Variants in TMEM120B observed in about 807,000 individuals in gnomAD.
The protein encoded by TMEM120B is transmembrane protein 120B.
TMEM120B carries 31 observed loss-of-function variants against 55.5 expected under a neutral mutation model. The ratio of observed to expected loss-of-function variants is 0.56; its 90% CI spans 0.42 to 0.75. The LOEUF (loss-of-function observed/expected upper bound fraction) is 0.75. Ranked by LOEUF, TMEM120B falls within the 30% of genes least tolerant of loss-of-function variation. TMEM120B has a pLI of 0.00. For synonymous variants in TMEM120B, 203 were observed against 176.3 expected, an observed-to-expected ratio of 1.15 and a Z score of -1.20; for missense variants, 399 against 425.5, an observed-to-expected ratio of 0.94 and a Z score of 0.55.
rs199889668 is a variant in TMEM120B, at chr12:121,752,194, C to G, written c.432C>G (p.Ala144=). Residue 144 remains alanine (A), a synonymous_variant, in exon 5 of 12, where the codon GCC becomes GCG. Transcript: ENST00000449592. The part of the protein sequence containing the change: ...LYLTIILLLG[A]VACRFVLHYR... ...TGACCATCATCCTGCTCCTGGGTGC[C>G]GTGGCATGTCGATTTGTCCTTCACT... is the stretch of plus-strand genomic sequence containing the variant. The G allele has an allele frequency of 6.2e-7, 1 of 1,613,734 alleles. No individual in the cohort carries two copies. Among genetic ancestry groups the G allele is most frequent in the African/African-American group, 1.3e-5 (1 of 75,032 alleles).
Position 121,779,938 on chromosome 12 carries a change from T to G in TMEM120B, c.*4216T>G. ...AGGGGCTGAATCCTGAGACCCGGGG[T>G]TGGTTCCCCCAGGTGTCTCCCAGGC... On this transcript the variant is annotated 3_prime_UTR_variant, in exon 12 of 12. Coordinates refer to ENST00000449592, the MANE Select transcript of TMEM120B (RefSeq NM_001080825.2). The G allele has an allele frequency of 3.0e-6, 1 of 336,802 alleles. No individual in the cohort carries two copies. Among genetic ancestry groups the G allele is most frequent in the East Asian group, 4.1e-5 (1 of 24,410 alleles). The allele number at this position is 336,802 out of a possible 1,614,324, so 20.9% of individuals were successfully genotyped here.
At position 121,775,992 on chromosome 12, in the gene TMEM120B, G is replaced by C; in HGVS notation, c.*270G>C. 1.7e-6 allele frequency: 1 copy of C among 593,602 alleles called. No homozygotes were observed. The highest frequency in any genetic ancestry group is 2.0e-5 in the South Asian group (1 of 48,894). 36.8% of individuals were successfully genotyped at this position (593,602 alleles called of 1,614,324 possible). ...CTTGAAGGTGGCTGAGGCCGGGCCA[G>C]TCTTCCTGGGGATGGGGCCTGAAGC... On this transcript the variant is annotated 3_prime_UTR_variant, in exon 12 of 12. Coordinates refer to ENST00000449592, the MANE Select transcript of TMEM120B (RefSeq NM_001080825.2). The surrounding 1 kb of genome is among the most constrained non-coding windows in gnomAD (Gnocchi z 4.3).
chr12:121,756,536 G>C (rs779918275), intron 5 of TMEM120B, among the ~76,000 whole-genome samples: 32 of 152,192 alleles, frequency 2.1e-4, no homozygotes, highest in Non-Finnish European at 4.6e-4. Flanking sequence ...GTACCTCCCA[G>C]TGTCACACAG....
chr12:121,728,081 C>T (rs905335240), intron 1 of TMEM120B, among the ~76,000 whole-genome samples: 7 of 150,144 alleles, frequency 4.7e-5, no homozygotes, highest in Non-Finnish European at 7.4e-5. Context: ...GATCTCGGTT[C>T]ACTGCGCCCT....
intron 3 of TMEM120B, 43 bp downstream of exon 3, chr12:121,748,485 C>T (rs760904386): frequency 2.2e-6 from 3 of 1,358,356 alleles, no homozygotes; most frequent in East Asian, 2.3e-5. Flanking sequence ...AGGCCCATGC[C>T]CAGGCCTAGC....
At chr12:121,737,584 C>A (rs1233285210) in intron 1 of TMEM120B, among the ~76,000 whole-genome samples, 1 of 152,114 alleles carries the variant, frequency 6.6e-6, no homozygotes, top group Non-Finnish European at 1.5e-5. Flanking sequence ...TGGGGAGGGG[C>A]AATGGCCTCT....
chr12:121,723,419 C>T (rs971548688), intron 1 of TMEM120B, among the ~76,000 whole-genome samples: 1 of 152,122 alleles, frequency 6.6e-6, no homozygotes, highest in Non-Finnish European at 1.5e-5. Context: ...CTGGCCACAG[C>T]AGGGAGCTGT....
chr12:121,764,555 T>C (rs999443472), intron 6 of TMEM120B, among the ~76,000 whole-genome samples: 2 of 151,624 alleles, frequency 1.3e-5, no homozygotes, highest in Admixed American at 6.6e-5. Flanking sequence ...GGTGTACACC[T>C]GTAGTCCTAG....
intron 5 of TMEM120B, among the ~76,000 whole-genome samples, chr12:121,760,997 G>T (rs1873660075): frequency 2.0e-5 from 3 of 149,042 alleles, no homozygotes; most frequent in Admixed American, 1.3e-4. Context: ...GTTTTTTTTT[G>T]GGACAGAGTC....
At chr12:121,733,600 T>C (rs1449573736) in intron 1 of TMEM120B, among the ~76,000 whole-genome samples, 6 of 148,656 alleles carry the variant, frequency 4.0e-5, no homozygotes, top group Admixed American at 6.9e-5. Flanking sequence ...AGTGCAATGG[T>C]GTGACCTCGG....
intron 1 of TMEM120B, among the ~76,000 whole-genome samples, chr12:121,735,867 T>G (rs1448743132): frequency 6.6e-6 from 1 of 152,100 alleles, no homozygotes; most frequent in Non-Finnish European, 1.5e-5. Flanking sequence ...ATTTTTATAT[T>G]TTTAGTAGAG....
At chr12:121,771,959 G>A (rs1409927977) in intron 8 of TMEM120B, among the ~76,000 whole-genome samples, 3 of 152,274 alleles carry the variant, frequency 2.0e-5, no homozygotes, top group South Asian at 2.1e-4. Flanking sequence ...CAGGGAGAGC[G>A]TCTTACTTTT....
At chr12:121,743,821 G>C (rs1873004999) in intron 2 of TMEM120B, 74 bp downstream of exon 2, 2 of 1,107,406 alleles carry the variant, frequency 1.8e-6, no homozygotes, top group Non-Finnish European at 2.7e-6. Flanking sequence ...GGCTGAAGCA[G>C]AGAATGGAAA....
intron 1 of TMEM120B, among the ~76,000 whole-genome samples, chr12:121,725,240 T>G (rs181684521): frequency 1.8e-4 from 28 of 152,288 alleles, no homozygotes; most frequent in African/African-American, 6.3e-4. Flanking sequence ...TGTCTATCAG[T>G]GCCCCCAGCA....
intron 5 of TMEM120B, chr12:121,758,979 G>T: frequency 1.0e-6 from 1 of 985,460 alleles, no homozygotes; most frequent in Non-Finnish European, 1.2e-6. Context: ...AGGAAAAGGA[G>T]TTCTTCAGTT....
chr12:121,775,167 G>C lies in TMEM120B; in HGVS notation c.906+37G>C, dbSNP rs776269169. On this transcript the variant is annotated intron_variant, in intron 11 of 11. Transcript: ENST00000449592. The surrounding 1 kb of genome is among the most constrained non-coding windows in gnomAD (Gnocchi z 4.3). ...GGGGGCATGCTCGGGGGAGGTTCCC[G>C]GGAGGGCTGGGGTGGCAGGGATGGG... 2.7e-5 allele frequency: 40 copies of C among 1,466,792 alleles called. 1 individual carries two copies. The South Asian group carries it at 4.6e-4, about 17-fold the overall frequency. The allele number at this position is 1,466,792 out of a possible 1,614,324, so 90.9% of individuals were successfully genotyped here.
chr12:121,722,681 T>C (rs950986566), intron 1 of TMEM120B, among the ~76,000 whole-genome samples: 2 of 152,016 alleles, frequency 1.3e-5, no homozygotes, highest in Non-Finnish European at 2.9e-5. Flanking sequence ...AATGATACAT[T>C]GTATGTAGTC....
rs1322292935 is a variant in TMEM120B at position 121,780,825 on chromosome 12, A to G, written c.*5103A>G. 6.3e-7 allele frequency: 1 copy of G among 1,585,704 alleles called. No homozygotes were observed. Among genetic ancestry groups the G allele is most frequent in the East Asian group, 2.2e-5 (1 of 44,670 alleles). ...CAGTTGCAGAGGCCAAAGGTCCGGG[A>G]GGCTTCACAGCCACGGCTGTGCCCC... is the stretch of plus-strand genomic sequence containing the variant. On this transcript the variant is annotated 3_prime_UTR_variant, in exon 12 of 12. Coordinates refer to ENST00000449592, the MANE Select transcript of TMEM120B (RefSeq NM_001080825.2).
At chr12:121,727,890 AAAG>A (rs1384092039) in intron 1 of TMEM120B, among the ~76,000 whole-genome samples, 1 of 151,586 alleles carries the variant, frequency 6.6e-6, no homozygotes, top group East Asian at 1.9e-4. Flanking sequence ...AAAAAAAAAA[AAAG>A]AGATTGGTAA....
Sources: gnomAD v4.1 joint callset for allele counts (sites outside exome capture counted in the v4.1 genomes callset) on GRCh38, gnomAD v4.1.1 for gene constraint, Gnocchi (gnomAD v3.1) non-coding constraint, MANE v1.5 for transcripts, NCBI Gene and HGNC (gene_info 2026-07-23, HGNC 2026-07-21) for gene names.